FYB2: variants seen among roughly 807,000 people sequenced by gnomAD.
FYB2 encodes FYN binding protein 2.
In FYB2, 103 loss-of-function variants were observed where a neutral mutation model predicts 94.1. The ratio of observed to expected loss-of-function variants is 1.09; its 90% CI spans 0.93 to 1.29. FYB2 has a LOEUF of 1.29. Ranked by LOEUF, FYB2 falls within the 50% of genes most tolerant of loss-of-function variation. The pLI, the probability that FYB2 is intolerant of heterozygous loss-of-function variation, is 0.00. For missense variants in FYB2, 896 were observed against 841.5 expected, an observed-to-expected ratio of 1.06 and a Z score of -0.80; for synonymous variants, 293 against 287.9, an observed-to-expected ratio of 1.02 and a Z score of -0.18.
chr1:56,722,075 G>A (rs1351259021), intron 17 of FYB2, among the ~76,000 whole-genome samples: 1 of 152,014 alleles, frequency 6.6e-6, no homozygotes, highest in Non-Finnish European at 1.5e-5. Context: ...ACACACAGAG[G>A]TGGAAAAAAG....
chr1:56,752,775 G>A (rs12039228), intron 8 of FYB2, among the ~76,000 whole-genome samples: 13,985 of 152,148 alleles, frequency 0.092, 824 homozygotes, highest in East Asian at 0.23. Flanking sequence ...TTAGTAGTTT[G>A]AGCCCATATC....
intron 5 of FYB2, among the ~76,000 whole-genome samples, chr1:56,760,291 A>G (rs1557620790): frequency 6.6e-6 from 1 of 152,168 alleles, no homozygotes; most frequent in Non-Finnish European, 1.5e-5. Flanking sequence ...CTGAAGCTTT[A>G]GAAAACTGAC....
chr1:56,820,812 T>C (rs140021069), upstream of FYB2, among the ~76,000 whole-genome samples: 378 of 152,344 alleles, frequency 2.5e-3, no homozygotes, highest in African/African-American at 8.5e-3. Flanking sequence ...ACCTTTTACA[T>C]CCTTCCTCAA....
chr1:56,728,709 A>G (rs1203866560), intron 15 of FYB2, among the ~76,000 whole-genome samples: 1 of 152,120 alleles, frequency 6.6e-6, no homozygotes, highest in African/African-American at 2.4e-5. Context: ...TTCCACTGCT[A>G]TCCATACTTT....
chr1:56,734,012 G>T lies in FYB2; in HGVS notation c.1793+3075C>A, dbSNP rs1229477189. Among the ~76,000 whole-genome samples, 4 of 152,132 alleles carry T rather than the reference G, an allele frequency of 2.6e-5. No homozygotes were observed. The East Asian group carries it at 7.8e-4, about 29-fold the overall frequency. ...TGATCTGTTTAATATTTACAGTGGGGTGTTAAAATCTCCCATTATTATTGT... is the reference window on the plus strand; with the variant it reads ...TGATCTGTTTAATATTTACAGTGGGTTGTTAAAATCTCCCATTATTATTGT... On this transcript the variant is annotated intron_variant, in intron 15 of 19. Transcript: ENST00000343433.
At chr1:56,822,823 C>T (rs972779728), upstream of FYB2, among the ~76,000 whole-genome samples, 2 of 151,012 alleles carry the variant, frequency 1.3e-5, no homozygotes, top group Admixed American at 1.3e-4. Context: ...CTAAGGTAAA[C>T]TTTGAGCACT....
At chr1:56,761,716 C>G (rs1645498613) in intron 5 of FYB2, among the ~76,000 whole-genome samples, 1 of 152,122 alleles carries the variant, frequency 6.6e-6, no homozygotes, top group Non-Finnish European at 1.5e-5. Context: ...GTTTTCTTGG[C>G]CTTGTTCAAG....
intron 11 of FYB2, among the ~76,000 whole-genome samples, chr1:56,743,195 C>A (rs541637017): frequency 8.5e-5 from 13 of 152,092 alleles, no homozygotes; most frequent in African/African-American, 3.1e-4. Flanking sequence ...ATCCTTTGAC[C>A]AATACCTCCC....
At chr1:56,773,600 CAGG>C (rs914214166) in intron 4 of FYB2, among the ~76,000 whole-genome samples, 4 of 152,132 alleles carry the variant, frequency 2.6e-5, no homozygotes, top group African/African-American at 9.7e-5. Flanking sequence ...TTTCCTTTCA[CAGG>C]AGAAGACTCC....
intron 13 of FYB2, among the ~76,000 whole-genome samples, chr1:56,739,922 A>G (rs857124): frequency 0.75 from 114,219 of 151,938 alleles, 44,107 homozygotes; most frequent in African/African-American, 0.94. Context: ...GAGTTTATTG[A>G]GACACAACCC....
chr1:56,750,332 G>A (rs1411601864), intron 9 of FYB2, among the ~76,000 whole-genome samples: 1 of 151,996 alleles, frequency 6.6e-6, no homozygotes, highest in African/African-American at 2.4e-5. Flanking sequence ...CACGGGGTTA[G>A]TATAGAAATG....
intron 14 of FYB2, 118 bp from the exon 15 acceptor site, chr1:56,737,265 C>T: frequency 1.6e-6 from 1 of 626,018 alleles, no homozygotes; most frequent in South Asian, 2.2e-5. Flanking sequence ...TCTGTTTTAG[C>T]AAAATCTGAT....
chr1:56,790,258 G>T (rs1646230040), intron 2 of FYB2, among the ~76,000 whole-genome samples: 1 of 152,204 alleles, frequency 6.6e-6, no homozygotes. Flanking sequence ...GGGAGGGAAA[G>T]CTTCCTTATT....
intron 2 of FYB2, among the ~76,000 whole-genome samples, chr1:56,789,443 C>T (rs1299738747): frequency 1.3e-5 from 2 of 152,196 alleles, no homozygotes; most frequent in Non-Finnish European, 2.9e-5. Flanking sequence ...ATATTTTTCA[C>T]ACACATCACT....
chr1:56,780,990 T>A (rs908866568), intron 4 of FYB2, among the ~76,000 whole-genome samples: 39 of 152,310 alleles, frequency 2.6e-4, no homozygotes, highest in Non-Finnish European at 2.4e-4. Flanking sequence ...GTGCTGGGAC[T>A]TCCTGGCCTG....
At chr1:56,752,947 G>A (rs1356727390) in intron 8 of FYB2, among the ~76,000 whole-genome samples, 1 of 152,030 alleles carries the variant, frequency 6.6e-6, no homozygotes, top group Non-Finnish European at 1.5e-5. Flanking sequence ...TTCACACCCA[G>A]TGCTGCTCCC....
At chr1:56,783,327 C>T (rs1399212772) in intron 4 of FYB2, among the ~76,000 whole-genome samples, 1 of 152,118 alleles carries the variant, frequency 6.6e-6, no homozygotes, top group East Asian at 1.9e-4. Flanking sequence ...GCCAATGTGA[C>T]TTTAGAACCT....
chr1:56,721,156 T>C (rs1163664991), intron 17 of FYB2, among the ~76,000 whole-genome samples: 1 of 152,086 alleles, frequency 6.6e-6, no homozygotes, highest in East Asian at 1.9e-4. Context: ...GGGTATCTTT[T>C]CCTGACAAAC....
At chr1:56,750,327 G>T (rs1231955100) in intron 9 of FYB2, among the ~76,000 whole-genome samples, 2 of 151,948 alleles carry the variant, frequency 1.3e-5, no homozygotes. Flanking sequence ...AAAATCACGG[G>T]GTTAGTATAG....
Sources: gnomAD v4.1 joint callset for allele counts (sites outside exome capture counted in the v4.1 genomes callset) on GRCh38, gnomAD v4.1.1 for gene constraint, MANE v1.5 for transcripts, NCBI Gene and HGNC (gene_info 2026-07-23, HGNC 2026-07-21) for gene names.